The following GALNT10 variants were observed in gnomAD, a reference collection of about 807,000 sequenced individuals.
GALNT10 encodes the protein GalNAc transferase 10.
In GALNT10, 41 loss-of-function variants were observed where a neutral mutation model predicts 75.0. The observed-to-expected ratio is 0.55, with a 90% CI of 0.43 to 0.71. The LOEUF (loss-of-function observed/expected upper bound fraction) is 0.71. GALNT10 is among the 30% of genes least tolerant of loss of function. The pLI, the probability that GALNT10 is intolerant of heterozygous loss-of-function variation, is 0.00. For missense variants in GALNT10, 727 were observed against 818.5 expected (o/e 0.89, Z 1.36); for synonymous variants, 302 against 313.0 (o/e 0.96, Z 0.37).
At chr5:154,199,725 G>A (rs1040981105) in intron 1 of GALNT10, among the ~76,000 whole-genome samples, 1 of 152,166 alleles carries the variant, frequency 6.6e-6, no homozygotes, top group South Asian at 2.1e-4. Flanking sequence ...GGAAGGGTTA[G>A]TATTGTGGAG....
chr5:154,318,543 C>A (rs2113104187), intron 3 of GALNT10, among the ~76,000 whole-genome samples: 1 of 152,220 alleles, frequency 6.6e-6, no homozygotes, highest in East Asian at 1.9e-4. Context: ...TATCTTGTTT[C>A]TTCCTCTTTG....
At chr5:154,342,684 A>G (rs960582822) in intron 4 of GALNT10, among the ~76,000 whole-genome samples, 2 of 152,192 alleles carry the variant, frequency 1.3e-5, no homozygotes, top group Non-Finnish European at 2.9e-5. Context: ...AGGAGGAGAT[A>G]AGTTAAGATG....
intron 4 of GALNT10, among the ~76,000 whole-genome samples, chr5:154,360,676 G>C (rs575516608): frequency 5.9e-5 from 9 of 152,332 alleles, no homozygotes; most frequent in African/African-American, 1.9e-4. Flanking sequence ...GGTTACCTAT[G>C]AGACAGGGGA....
Position 154,262,125 on chromosome 5 carries a change from C to T in GALNT10, c.160-32691C>T, listed in dbSNP as rs183510487. On this transcript the variant is annotated intron_variant, in intron 1 of 11. Transcript: ENST00000297107. ...ACAAGGAATACATTTGAGTTATTTT[C>T]GGTAACATTAACTGACAGTATCCTG... is the stretch of plus-strand genomic sequence containing the variant. 1.6e-4 allele frequency among the ~76,000 whole-genome samples: 24 copies of T among 152,246 alleles called. No individual in the cohort carries two copies. In the East Asian group the frequency reaches 4.1e-3, roughly 26 times the overall value.
chr5:154,229,405 T>A (rs989649960), intron 1 of GALNT10, among the ~76,000 whole-genome samples: 1 of 152,222 alleles, frequency 6.6e-6, no homozygotes, highest in Non-Finnish European at 1.5e-5. Flanking sequence ...ATTATTTGTA[T>A]GACTATTGAT....
chr5:154,255,861 T>G (rs1393256139), intron 1 of GALNT10, among the ~76,000 whole-genome samples: 4 of 108,618 alleles, frequency 3.7e-5, no homozygotes, highest in African/African-American at 1.4e-4. Context: ...CCCTCCCCTC[T>G]CCTCCTCTCC....
At chr5:154,229,677 G>A (rs1179800905) in intron 1 of GALNT10, among the ~76,000 whole-genome samples, 1 of 152,116 alleles carries the variant, frequency 6.6e-6, no homozygotes, top group Non-Finnish European at 1.5e-5. Context: ...ACCTTGCGGT[G>A]AGCCGAGAAT....
chr5:154,372,998 T>A (rs1318304879), intron 4 of GALNT10, among the ~76,000 whole-genome samples: 11 of 152,102 alleles, frequency 7.2e-5, no homozygotes, highest in Non-Finnish European at 2.9e-5. Context: ...TAAAAACAGT[T>A]CTGTGCTGTT....
intron 1 of GALNT10, among the ~76,000 whole-genome samples, chr5:154,280,174 G>T (rs1019446707): frequency 6.6e-6 from 1 of 152,122 alleles, no homozygotes; most frequent in Non-Finnish European, 1.5e-5. Context: ...GACAAATATC[G>T]CATATTCTCA....
At chr5:154,347,374 T>TC (rs1755140762) in intron 4 of GALNT10, 3 of 343,114 alleles carry the variant, frequency 8.7e-6, no homozygotes, top group Admixed American at 5.2e-5. Context: ...TAAGGATTTT[T>TC]TTTTTTTTAG....
intron 4 of GALNT10, among the ~76,000 whole-genome samples, chr5:154,361,129 T>C (rs1334622435): frequency 6.6e-6 from 1 of 152,102 alleles, no homozygotes; most frequent in African/African-American, 2.4e-5. Context: ...ATGTCCACCC[T>C]GGTGAGCTTC....
intron 10 of GALNT10, 101 bp from the exon 11 acceptor site, chr5:154,415,682 T>C (rs940945415): frequency 1.1e-5 from 12 of 1,101,240 alleles, no homozygotes; most frequent in Non-Finnish European, 1.6e-5. Flanking sequence ...ATATTATTAT[T>C]TGGACCTCTG....
At chr5:154,321,244 A>G (rs188616826) in intron 3 of GALNT10, among the ~76,000 whole-genome samples, 27 of 152,082 alleles carry the variant, frequency 1.8e-4, no homozygotes, top group Non-Finnish European at 2.6e-4. Context: ...GTAGATTGCA[A>G]TGGCATACAA....
At chr5:154,237,191 G>A (rs190456200) in intron 1 of GALNT10, among the ~76,000 whole-genome samples, 6 of 152,266 alleles carry the variant, frequency 3.9e-5, no homozygotes, top group African/African-American at 1.4e-4. Flanking sequence ...GCAGGACATT[G>A]TCGCCCCCTT....
rs369968934 is a variant in GALNT10 at position 154,314,511 on chromosome 5, AT to A, written c.402-15059del. Among the ~76,000 whole-genome samples the A allele has an allele frequency of 5.0e-3, 768 of 152,218 alleles. 7 individuals carry two copies. The highest frequency in any genetic ancestry group is 0.016 in the African/African-American group (661 of 41,534). ...GAGAGTCAGGCTTTCCAGACTTAAT[AT>A]TCATTGCTTCTGATTGGCCTTTCAG... is the stretch of plus-strand genomic sequence containing the variant. On this transcript the variant is annotated intron_variant, in intron 3 of 11. Transcript: ENST00000297107.
At chr5:154,316,293 G>A (rs1029723756) in intron 3 of GALNT10, among the ~76,000 whole-genome samples, 2 of 152,148 alleles carry the variant, frequency 1.3e-5, no homozygotes, top group Admixed American at 1.3e-4. Context: ...CTTTGTGTTG[G>A]GACTAAACTG....
intron 1 of GALNT10, chr5:154,287,586 T>C (rs1754130466): frequency 6.6e-6 from 1 of 152,224 alleles, no homozygotes; most frequent in South Asian, 2.1e-4. Flanking sequence ...CACTATGTTA[T>C]AGGCTTGTAT....
rs537806891 is a variant in GALNT10, at chr5:154,399,398, A to G, written c.1057-4706A>G. Reference sequence around the variant, plus strand: ...TTGAGAGCTGTTTGTCACAAGAGGGAGGTGAGCAAGCCAGGAGCATGACGG... The same window carrying G: ...TTGAGAGCTGTTTGTCACAAGAGGGGGGTGAGCAAGCCAGGAGCATGACGG... On this transcript the variant is annotated intron_variant, in intron 7 of 11. Transcript: ENST00000297107. 2.0e-5 allele frequency among the ~76,000 whole-genome samples: 3 copies of G among 152,176 alleles called. No homozygotes were observed. The South Asian group carries it at 6.2e-4, about 32-fold the overall frequency.
chr5:154,207,676 A>G (rs775091795), intron 1 of GALNT10, among the ~76,000 whole-genome samples: 5 of 152,124 alleles, frequency 3.3e-5, no homozygotes, highest in African/African-American at 4.8e-5. Context: ...AGACAGGGAA[A>G]TGGCTGGGCA....
Sources: allele counts gnomAD v4.1 joint callset (sites outside exome capture counted in the v4.1 genomes callset), GRCh38; gene constraint gnomAD v4.1.1; transcripts MANE v1.5; gene names NCBI Gene and HGNC (gene_info 2026-07-23, HGNC 2026-07-21).